SELENOF: variants seen among roughly 807,000 people sequenced by gnomAD.
The protein encoded by SELENOF is selenoprotein F.
SELENOF carries 16 observed loss-of-function variants against 20.5 expected under a neutral mutation model. The observed-to-expected ratio is 0.78, with a 90% CI of 0.53 to 1.19. The LOEUF is 1.19. Ranked by LOEUF, SELENOF falls within the 50% of genes most tolerant of loss-of-function variation. The probability of loss-of-function intolerance (pLI) is 0.00; values close to 1 mark genes in which losing one functional copy is unlikely to be tolerated. For missense variants in SELENOF, 215 were observed against 194.2 expected (o/e 1.11, Z -0.64); for synonymous variants, 78 against 74.5 (o/e 1.05, Z -0.24).
chr1:86,897,427 G>A (rs1481429379), intron 2 of SELENOF, among the ~76,000 whole-genome samples: 2 of 152,206 alleles, frequency 1.3e-5, no homozygotes, highest in Non-Finnish European at 2.9e-5. Context: ...AACATAACCT[G>A]GGAGTGATAC....
At position 86,903,415 on chromosome 1, in the gene SELENOF, C is replaced by T. The variant is rs958227128; in HGVS notation, c.118G>A (p.Ala40Thr). 5.6e-6 allele frequency: 9 copies of T among 1,608,798 alleles called. No homozygotes were observed. In the African/African-American group the frequency reaches 1.1e-4, roughly 19 times the overall value. Residue 40 changes from alanine to threonine, a missense_variant, in exon 2 of 5, where the codon GCA (alanine) becomes ACA (threonine). By Grantham distance (58) the Ala-to-Thr change is moderately conservative. Transcript: ENST00000331835. ...CTAGAAAAGCCTAACTCTCTGCATGCCTCCGATGAAAACTCTGCCCCAAAA... is the reference window on the plus strand; with the variant it reads ...CTAGAAAAGCCTAACTCTCTGCATGTCTCCGATGAAAACTCTGCCCCAAAA... ...SAFGAEFSSE[A>T]CRELGFSSNL...
chr1:86,879,412 A>C (rs1030241449), intron 3 of SELENOF, among the ~76,000 whole-genome samples: 1 of 152,224 alleles, frequency 6.6e-6, no homozygotes, highest in Non-Finnish European at 1.5e-5. Flanking sequence ...TTTTGATTAG[A>C]TATGTATCTG....
rs1179063836 is a variant in SELENOF at position 86,903,267 on chromosome 1, C to T, written c.252+14G>A. The T allele has an allele frequency of 1.9e-6, 3 of 1,603,616 alleles. No individual in the cohort carries two copies. The highest frequency in any genetic ancestry group is 1.3e-5 in the African/African-American group (1 of 74,622). ...TAAACCATCCAATGGAAGGAATATA[C>T]TAGAAAACAGTACCTTTTTGGTTTC... On this transcript the variant is annotated intron_variant, in intron 2 of 4. Coordinates refer to ENST00000331835, the MANE Select transcript of SELENOF (RefSeq NM_004261.5).
intron 2 of SELENOF, among the ~76,000 whole-genome samples, chr1:86,890,180 T>C (rs1659339496): frequency 6.6e-6 from 1 of 152,196 alleles, no homozygotes; most frequent in South Asian, 2.1e-4. Context: ...GGCCATACTC[T>C]CATGCCTCTG....
intron 1 of SELENOF, among the ~76,000 whole-genome samples, chr1:86,911,493 T>C (rs1160234285): frequency 1.3e-5 from 2 of 152,198 alleles, no homozygotes; most frequent in South Asian, 2.1e-4. Context: ...TTAAGGAACA[T>C]TGAGGAAGAC....
At chr1:86,869,813 T>G (rs1658711656) in intron 3 of SELENOF, among the ~76,000 whole-genome samples, 1 of 151,960 alleles carries the variant, frequency 6.6e-6, no homozygotes, top group South Asian at 2.1e-4. Flanking sequence ...GCCTCGGTCT[T>G]GCCCAGGCTG....
intron 2 of SELENOF, among the ~76,000 whole-genome samples, chr1:86,891,863 A>T (rs1191375053): frequency 1.3e-5 from 2 of 152,154 alleles, no homozygotes; most frequent in Admixed American, 1.3e-4. Context: ...TGGTTGGAAC[A>T]GTACCTTCAG....
At chr1:86,866,230 C>CTCTGTGTGTGTG (rs535243866) in intron 4 of SELENOF, among the ~76,000 whole-genome samples, 3 of 113,678 alleles carry the variant, frequency 2.6e-5, no homozygotes, top group South Asian at 6.8e-4. Flanking sequence ...GTGTGTGTCT[C>CTCTGTGTGTGTG]TGTGTGTGTG....
At chr1:86,900,500 A>G (rs1412498723) in intron 2 of SELENOF, among the ~76,000 whole-genome samples, 1 of 152,186 alleles carries the variant, frequency 6.6e-6, no homozygotes, top group Admixed American at 6.5e-5. Context: ...AGGCAGGAAA[A>G]TCAGGCAGGG....
At chr1:86,911,008 G>C (rs1387568360) in intron 1 of SELENOF, among the ~76,000 whole-genome samples, 1 of 152,190 alleles carries the variant, frequency 6.6e-6, no homozygotes, top group Admixed American at 6.5e-5. Flanking sequence ...ATCAAGTATA[G>C]TACTACTCTG....
At chr1:86,893,276 C>T (rs1659434606) in intron 2 of SELENOF, among the ~76,000 whole-genome samples, 1 of 152,000 alleles carries the variant, frequency 6.6e-6, no homozygotes, top group African/African-American at 2.4e-5. Context: ...AATGTGCTAG[C>T]TCAATCACAA....
intron 2 of SELENOF, among the ~76,000 whole-genome samples, chr1:86,888,313 T>C (rs774735238): frequency 2.0e-5 from 3 of 150,026 alleles, no homozygotes; most frequent in Non-Finnish European, 4.4e-5. Context: ...TTGAATACCA[T>C]AGTAAGTGTT....
At chr1:86,909,052 G>A (rs923703131) in intron 1 of SELENOF, among the ~76,000 whole-genome samples, 5 of 152,152 alleles carry the variant, frequency 3.3e-5, no homozygotes, top group South Asian at 2.1e-4. Context: ...AACAAAACAC[G>A]AGTGCAGTCC....
At chr1:86,881,461 T>A (rs375945688) in intron 2 of SELENOF, among the ~76,000 whole-genome samples, 1 of 152,216 alleles carries the variant, frequency 6.6e-6, no homozygotes, top group Non-Finnish European at 1.5e-5. Flanking sequence ...ATTCTTTTTA[T>A]AGGGCAGGAA....
rs549913514 is a variant in SELENOF at position 86,909,820 on chromosome 1, A to G, written c.84+4208T>C. On this transcript the variant is annotated intron_variant, in intron 1 of 4. Coordinates refer to ENST00000331835, the MANE Select transcript of SELENOF (RefSeq NM_004261.5). ...GGAGTTCGAGACCAGCCTGGCCAAC[A>G]TGGTGAAACCCCGTCTCCACTAAAG... Among the ~76,000 whole-genome samples the G allele has an allele frequency of 2.6e-4, 40 of 152,262 alleles. 1 individual carries two copies. The South Asian group carries it at 7.7e-3, about 29-fold the overall frequency.
At chr1:86,894,863 C>A (rs1319294792) in intron 2 of SELENOF, among the ~76,000 whole-genome samples, 1 of 151,860 alleles carries the variant, frequency 6.6e-6, no homozygotes, top group Non-Finnish European at 1.5e-5. Context: ...ACAACAACAA[C>A]AAACAAACAA....
At chr1:86,879,312 A>G (rs1480877220) in intron 3 of SELENOF, among the ~76,000 whole-genome samples, 1 of 152,204 alleles carries the variant, frequency 6.6e-6, no homozygotes, top group Non-Finnish European at 1.5e-5. Flanking sequence ...AAATAAATAA[A>G]TAAATAAATC....
At chr1:86,898,663 C>A (rs1266320955) in intron 2 of SELENOF, among the ~76,000 whole-genome samples, 1 of 150,852 alleles carries the variant, frequency 6.6e-6, no homozygotes, top group Non-Finnish European at 1.5e-5. Context: ...CTCACAGCAA[C>A]CTCTGCTTCA....
chr1:86,884,935 T>C (rs1222729537), intron 2 of SELENOF, among the ~76,000 whole-genome samples: 1 of 152,192 alleles, frequency 6.6e-6, no homozygotes, highest in Non-Finnish European at 1.5e-5. Context: ...CCATGTAACT[T>C]ATGACCGTCA....
Sources: allele counts gnomAD v4.1 joint callset (sites outside exome capture counted in the v4.1 genomes callset), GRCh38; gene constraint gnomAD v4.1.1; transcripts MANE v1.5; gene names NCBI Gene and HGNC (gene_info 2026-07-23, HGNC 2026-07-21).